Variants in KLHL28 observed in about 807,000 individuals in gnomAD.
KLHL28 encodes kelch-like protein 28.
Under a neutral mutation model 48.3 loss-of-function variants are expected in KLHL28, and 22 were observed. The ratio of observed to expected loss-of-function variants is 0.46; its 90% CI spans 0.33 to 0.65. The LOEUF is 0.65. Ranked by LOEUF, KLHL28 falls within the 30% of genes least tolerant of loss-of-function variation. The pLI is 0.03. For synonymous variants in KLHL28, 243 were observed against 242.4 expected (o/e 1.00, Z -0.02); for missense variants, 527 against 704.3 (o/e 0.75, Z 2.85).
rs1884305558 is a variant in KLHL28, at chr14:44,945,736, T to A, written c.193A>T (p.Thr65Ser). Residue 65 changes from threonine (T) to serine (S), a missense_variant, in exon 2 of 5, where the codon ACT (threonine) becomes TCT (serine). Transcript: ENST00000396128. ...SVSPYFKAMF[T>S]GNLSEKENSE... ...TTCTCTTTTTCAGAAAGGTTTCCAG[T>A]GAACATAGCTTTGAAATACGGGCTG... 1.2e-6 allele frequency: 2 copies of A among 1,614,156 alleles called. No homozygotes were observed. Among genetic ancestry groups the A allele is most frequent in the Non-Finnish European group, 1.7e-6 (2 of 1,180,034 alleles).
intron 4 of KLHL28, 144 bp downstream of exon 4, chr14:44,931,189 C>G (rs1214272334): frequency 1.8e-6 from 1 of 560,398 alleles, no homozygotes; most frequent in Non-Finnish European, 3.1e-6. Context: ...AATTGTCTTT[C>G]AAGTTTACCA....
At position 44,934,266 on chromosome 14, in the gene KLHL28, AT is replaced by A. The variant is rs756562080; in HGVS notation, c.1191del (p.Gln397HisfsTer7). The A allele has an allele frequency of 6.2e-7, 1 of 1,614,142 alleles. No individual in the cohort carries two copies. Among genetic ancestry groups the A allele is most frequent in the Non-Finnish European group, 8.5e-7 (1 of 1,180,020 alleles). On this transcript the variant is annotated frameshift_variant, in exon 3 of 5. Coordinates refer to ENST00000396128, the MANE Select transcript of KLHL28 (RefSeq NM_017658.5). LOFTEE classifies it high-confidence loss of function. Reference sequence around the variant, plus strand: ...TACTTCTCTACAGATTGTAAATAAGATTGTCCATCATAACCACCTAAGGCAT... The same window carrying A: ...TACTTCTCTACAGATTGTAAATAAGATGTCCATCATAACCACCTAAGGCAT... ...ELYALGGYDGQSYLQSVEKYI... is the reference protein window; with the variant it reads ...ELYALGGYDGXSYLQSVEKYI...
chr14:44,936,575 T>C (rs1883831716), intron 2 of KLHL28, among the ~76,000 whole-genome samples: 1 of 152,040 alleles, frequency 6.6e-6, no homozygotes, highest in Non-Finnish European at 1.5e-5. Flanking sequence ...GTGTCAGACA[T>C]GAGGGAGTGA....
intron 2 of KLHL28, among the ~76,000 whole-genome samples, chr14:44,935,864 G>GTGTATATATA (rs1566564854): frequency 1.3e-4 from 6 of 47,804 alleles, no homozygotes; most frequent in Non-Finnish European, 2.7e-4. Context: ...GTATGTATGT[G>GTGTATATATA]TATGTGTATG....
chr14:44,926,838 C>T lies in KLHL28; in HGVS notation c.*2190G>A, dbSNP rs1444193374. The T allele has an allele frequency of 2.0e-5, 3 of 152,150 alleles. No homozygotes were observed. The highest frequency in any genetic ancestry group is 6.6e-5 in the Admixed American group (1 of 15,262). The allele number at this position is 152,150 out of a possible 1,614,324, so 9.4% of individuals were successfully genotyped here. A position where few individuals can be genotyped will look rare whatever the true frequency, so the allele number is the denominator to read the frequency against. Reference sequence around the variant, plus strand: ...TCATTTTCCACAGTCTTTCAAATTCCCTTATCTTTTGGGAATAGGGGATTA... The same window carrying T: ...TCATTTTCCACAGTCTTTCAAATTCTCTTATCTTTTGGGAATAGGGGATTA... On this transcript the variant is annotated 3_prime_UTR_variant, in exon 5 of 5. Transcript: ENST00000396128.
chr14:44,945,347 G>A lies in KLHL28; in HGVS notation c.582C>T (p.Thr194=), dbSNP rs747315864. 9 of 1,613,962 alleles carry A rather than the reference G, an allele frequency of 5.6e-6. No homozygotes were observed. The Admixed American group carries it at 6.7e-5, about 12-fold the overall frequency. ...CTAATGCATAAAAAACAGTCTCTTCGGTAGCTACATTCAAACAGTCATTGG... is the reference window on the plus strand; with the variant it reads ...CTAATGCATAAAAAACAGTCTCTTCAGTAGCTACATTCAAACAGTCATTGG... The part of the protein sequence containing the change: ...IVSNDCLNVA[T]EETVFYALES... Residue 194 remains threonine, a synonymous_variant, in exon 2 of 5, where the codon ACC becomes ACT. Transcript: ENST00000396128.
intron 1 of KLHL28, among the ~76,000 whole-genome samples, chr14:44,961,352 A>G (rs1885084911): frequency 6.6e-6 from 1 of 152,174 alleles, no homozygotes; most frequent in Non-Finnish European, 1.5e-5. Context: ...CATTAGAAGG[A>G]AAGATTTTGA....
intron 1 of KLHL28, among the ~76,000 whole-genome samples, chr14:44,946,353 A>T (rs1283006497): frequency 1.3e-5 from 2 of 152,186 alleles, no homozygotes; most frequent in Non-Finnish European, 2.9e-5. Flanking sequence ...TTGCCAACCA[A>T]CAGATGCTTT....
chr14:44,953,339 T>C (rs1196765716), intron 1 of KLHL28, among the ~76,000 whole-genome samples: 2 of 152,216 alleles, frequency 1.3e-5, no homozygotes, highest in African/African-American at 4.8e-5. Flanking sequence ...AATGTAATTA[T>C]ATAAATATTA....
In KLHL28 at chr14:44,926,204, A is replaced by G. The variant is rs1434848083; in HGVS notation, c.*2824T>C. 6.6e-6 allele frequency: 1 copy of G among 152,206 alleles called. No individual in the cohort carries two copies. The highest frequency in any genetic ancestry group is 2.4e-5 in the African/African-American group (1 of 41,462). The allele number at this position is 152,206 out of a possible 1,614,324, so 9.4% of individuals were successfully genotyped here. On this transcript the variant is annotated 3_prime_UTR_variant, in exon 5 of 5. Transcript: ENST00000396128. ...GGTCAGATTAGTAGCTCTGGTTGTT[A>G]CGAATAATACAGTAGGTTAAGCAAT...
rs1884291714 is a variant in KLHL28 at position 44,945,501 on chromosome 14, A to G, written c.428T>C (p.Phe143Ser). ...DPGNCIGISR[F>S]AETYGCRDLY... The stretch of plus-strand genomic sequence containing the variant: ...GTCACGGCAACCATATGTTTCTGCA[A>G]AACGAGAAATTCCAATACAATTACC... Residue 143 changes from phenylalanine to serine, a missense_variant, in exon 2 of 5, where the codon TTT (phenylalanine) becomes TCT (serine). Phe to Ser is a radical substitution (Grantham distance 155). Coordinates refer to ENST00000396128, the MANE Select transcript of KLHL28 (RefSeq NM_017658.5). 1 of 1,614,110 alleles carries G rather than the reference A, an allele frequency of 6.2e-7. No individual in the cohort carries two copies. Among genetic ancestry groups the G allele is most frequent in the Admixed American group, 1.7e-5 (1 of 59,998 alleles).
chr14:44,940,646 G>A (rs1361966704), intron 2 of KLHL28, among the ~76,000 whole-genome samples: 1 of 152,072 alleles, frequency 6.6e-6, no homozygotes, highest in Non-Finnish European at 1.5e-5. Flanking sequence ...TTAAACCCTT[G>A]CTTTCAACCC....
chr14:44,937,139 TG>T (rs1883859418), intron 2 of KLHL28, among the ~76,000 whole-genome samples: 1 of 151,780 alleles, frequency 6.6e-6, no homozygotes, highest in African/African-American at 2.4e-5. Context: ...TTTTTTTGTT[TG>T]TTTTTTTCTT....
chr14:44,942,341 T>C (rs908603569), intron 2 of KLHL28, among the ~76,000 whole-genome samples: 1 of 152,180 alleles, frequency 6.6e-6, no homozygotes, highest in African/African-American at 2.4e-5. Flanking sequence ...TCTCTATCTT[T>C]ACTACTTCTA....
chr14:44,935,450 A>C (rs1171125591), intron 2 of KLHL28, among the ~76,000 whole-genome samples: 1 of 152,168 alleles, frequency 6.6e-6, no homozygotes, highest in African/African-American at 2.4e-5. Flanking sequence ...AATACTTAAA[A>C]TTAAAATTTT....
At chr14:44,937,424 G>A (rs1747508273) in intron 2 of KLHL28, among the ~76,000 whole-genome samples, 1 of 152,066 alleles carries the variant, frequency 6.6e-6, no homozygotes, top group Admixed American at 6.5e-5. Context: ...TGGGATTACA[G>A]GCGTGATCCA....
intron 1 of KLHL28, among the ~76,000 whole-genome samples, chr14:44,952,413 T>C (rs1884622079): frequency 6.6e-6 from 1 of 152,182 alleles, no homozygotes; most frequent in Admixed American, 6.5e-5. Context: ...GCAAACTGTG[T>C]TTTAAGTCCT....
At chr14:44,959,519 A>G (rs1796935907) in intron 1 of KLHL28, 1 of 152,164 alleles carries the variant, frequency 6.6e-6, no homozygotes, top group Non-Finnish European at 1.5e-5. Context: ...GGATGTCTGT[A>G]AAATTTGAGT....
At position 44,955,762 on chromosome 14, in the gene KLHL28, G is replaced by A. The variant is rs561383336; in HGVS notation, c.-1+6084C>T. ...GATTGCACAACTGCACTCCAGCCTG[G>A]GAGACAGAGTGAGGCCCTGCCTCAA... On this transcript the variant is annotated intron_variant, in intron 1 of 4. Transcript: ENST00000396128. Among the ~76,000 whole-genome samples the A allele has an allele frequency of 2.6e-5, 4 of 152,232 alleles. No individual in the cohort carries two copies. The South Asian group carries it at 6.2e-4, about 24-fold the overall frequency.
Sources: gnomAD v4.1 joint callset for allele counts (sites outside exome capture counted in the v4.1 genomes callset) on GRCh38, gnomAD v4.1.1 for gene constraint, MANE v1.5 for transcripts, NCBI Gene and HGNC (gene_info 2026-07-23, HGNC 2026-07-21) for gene names.